The following GREM2 variants were observed in gnomAD, a reference collection of about 807,000 sequenced individuals.
The protein encoded by GREM2 is gremlin-2.
GREM2 carries 11 observed loss-of-function variants against 14.2 expected under a neutral mutation model. The ratio of observed to expected loss-of-function variants is 0.78; its 90% confidence interval spans 0.49 to 1.28. GREM2 has a LOEUF of 1.28. GREM2 is among the 50% of genes most tolerant of loss of function. The pLI is 0.00. For missense variants in GREM2, 210 were observed against 218.5 expected (o/e 0.96, Z 0.24); for synonymous variants, 98 against 97.6 (o/e 1.00, Z -0.02).
intron 1 of GREM2, among the ~76,000 whole-genome samples, chr1:240,608,270 T>C (rs1680069995): frequency 6.6e-6 from 1 of 152,204 alleles, no homozygotes; most frequent in African/African-American, 2.4e-5. Context: ...TTTTAAACAT[T>C]ATCAATAAGA....
At chr1:240,530,092 C>T (rs1678317832) in intron 1 of GREM2, among the ~76,000 whole-genome samples, 1 of 152,104 alleles carries the variant, frequency 6.6e-6, no homozygotes, top group South Asian at 2.1e-4. Flanking sequence ...AAAGGTAGTA[C>T]CTCAACATTC....
rs1254589911 is a variant in GREM2 at position 240,545,150 on chromosome 1, A to G, written c.-1-51674T>C. Among the ~76,000 whole-genome samples the G allele has an allele frequency of 3.3e-5, 5 of 152,132 alleles. No homozygotes were observed. The East Asian group carries it at 9.7e-4, about 29-fold the overall frequency. ...ACCACAGCAGGATTAGAGGGTTGGG[A>G]CTTTCAGCCCCATCCTCCAACCACT... On this transcript the variant is annotated intron_variant, in intron 1 of 1. Transcript: ENST00000318160.
At chr1:240,515,703 T>A (rs1677938714) in intron 1 of GREM2, among the ~76,000 whole-genome samples, 1 of 152,148 alleles carries the variant, frequency 6.6e-6, no homozygotes, top group South Asian at 2.1e-4. Flanking sequence ...TTTGGTTTCG[T>A]GGGTTTTCTT....
intron 1 of GREM2, among the ~76,000 whole-genome samples, chr1:240,494,035 G>A (rs1308125970): frequency 3.9e-5 from 6 of 152,266 alleles, no homozygotes; most frequent in Non-Finnish European, 7.3e-5. Flanking sequence ...CACGCGTGTT[G>A]AACAGTTACA....
In GREM2 at chr1:240,587,330, T is replaced by TG. The variant is rs752778333; in HGVS notation, c.-2+24553dup. On this transcript the variant is annotated intron_variant, in intron 1 of 1. Coordinates refer to ENST00000318160, the MANE Select transcript of GREM2 (RefSeq NM_022469.4). ...TTCTTTTTTTCTTTTTTCTTTTTTT[T>TG]GGGGGGGTGGGGACAGAGTCTTGCT... Among the ~76,000 whole-genome samples, 190 of 151,840 alleles carry TG rather than the reference T, an allele frequency of 1.3e-3. 1 individual carries two copies. The highest frequency in any genetic ancestry group is 0.01 in the Middle Eastern group (3 of 294).
In GREM2 at chr1:240,493,071, G is replaced by A. The variant is rs1255201608; in HGVS notation, c.405C>T (p.Leu135=). ...AGGGTGGGTCCAGGCCGGGGCACTC[G>A]AGCTCCACGAGGACGGAGGTGACGC... The part of the protein sequence containing the change: ...PQRVTSVLVE[L]ECPGLDPPFR... Residue 135 remains leucine, a synonymous_variant, in exon 2 of 2, where the codon CTC becomes CTT. Transcript: ENST00000318160. 4 of 1,612,866 alleles carry A rather than the reference G, an allele frequency of 2.5e-6. No individual in the cohort carries two copies. The highest frequency in any genetic ancestry group is 1.7e-5 in the Admixed American group (1 of 59,980).
At chr1:240,538,124 C>T (rs959835068) in intron 1 of GREM2, among the ~76,000 whole-genome samples, 4 of 152,148 alleles carry the variant, frequency 2.6e-5, no homozygotes, top group African/African-American at 9.7e-5. Context: ...GTCTAGAAAG[C>T]AAAATTTCTT....
intron 1 of GREM2, among the ~76,000 whole-genome samples, chr1:240,600,407 A>G (rs1040723708): frequency 1.3e-5 from 2 of 151,636 alleles, no homozygotes; most frequent in African/African-American, 4.8e-5. Context: ...CTAATCCAAC[A>G]CTCAAGGTAC....
intron 1 of GREM2, among the ~76,000 whole-genome samples, chr1:240,512,504 C>T (rs142930043): frequency 1.5e-4 from 21 of 136,462 alleles, no homozygotes; most frequent in Middle Eastern, 3.7e-3. Context: ...TCATCTTGAT[C>T]TCACACATGA....
At chr1:240,549,336 C>CAA (rs55943785) in intron 1 of GREM2, among the ~76,000 whole-genome samples, 1 of 126,168 alleles carries the variant, frequency 7.9e-6, no homozygotes, top group Non-Finnish European at 1.8e-5. Flanking sequence ...AACTCCATCT[C>CAA]AAAAAAAAAA....
chr1:240,547,518 T>A lies in GREM2; in HGVS notation c.-1-54042A>T, dbSNP rs200265038. Among the ~76,000 whole-genome samples, 466 of 85,768 alleles carry A rather than the reference T, an allele frequency of 5.4e-3. 2 individuals carry two copies. Among genetic ancestry groups the A allele is most frequent in the African/African-American group, 0.018 (367 of 20,480 alleles). The allele number at this position is 85,768 out of a possible 152,430, so 56.3% of individuals were successfully genotyped here. On this transcript the variant is annotated intron_variant, in intron 1 of 1. Coordinates refer to ENST00000318160, the MANE Select transcript of GREM2 (RefSeq NM_022469.4). ...CCATCTCAAAAAAAAAAAAAAAATA[T>A]ATATATATATATATATAGATAGATA... is the stretch of plus-strand genomic sequence containing the variant.
At chr1:240,583,013 T>A (rs1679520628) in intron 1 of GREM2, among the ~76,000 whole-genome samples, 1 of 152,190 alleles carries the variant, frequency 6.6e-6, no homozygotes, top group Non-Finnish European at 1.5e-5. Flanking sequence ...TTCTCCTTTT[T>A]ACCACATCTT....
rs1361921814 is a variant in GREM2, at chr1:240,489,926, T to C, written c.*3043A>G. On this transcript the variant is annotated 3_prime_UTR_variant, in exon 2 of 2. Coordinates refer to ENST00000318160, the MANE Select transcript of GREM2 (RefSeq NM_022469.4). Reference sequence around the variant, plus strand: ...CCTAGGAAGTTGAGTTTAATTCCTTTGAAGCCTACACAGTGGATCAACCAT... The same window carrying C: ...CCTAGGAAGTTGAGTTTAATTCCTTCGAAGCCTACACAGTGGATCAACCAT... 1 of 152,258 alleles carries C rather than the reference T, an allele frequency of 6.6e-6. No homozygotes were observed. Among genetic ancestry groups the C allele is most frequent in the African/African-American group, 2.4e-5 (1 of 41,466 alleles). 9.4% of individuals were successfully genotyped at this position (152,258 alleles called of 1,614,324 possible).
chr1:240,609,883 C>T (rs952861078), intron 1 of GREM2, among the ~76,000 whole-genome samples: 3 of 151,660 alleles, frequency 2.0e-5, no homozygotes, highest in Admixed American at 2.0e-4. Flanking sequence ...TTAAACTTTA[C>T]CAAACTTATA....
rs189459249 is a variant in GREM2 at position 240,540,651 on chromosome 1, C to A, written c.-1-47175G>T. ...GATGTAGACTTACAGCAACCTCTGC[C>A]TCCTGGGTTCAAGAGATTCTCCTGC... On this transcript the variant is annotated intron_variant, in intron 1 of 1. Coordinates refer to ENST00000318160, the MANE Select transcript of GREM2 (RefSeq NM_022469.4). The surrounding 1 kb of genome is among the most constrained non-coding windows in gnomAD (Gnocchi z 4.2). 2.6e-5 allele frequency among the ~76,000 whole-genome samples: 4 copies of A among 151,892 alleles called. No individual in the cohort carries two copies. Among genetic ancestry groups the A allele is most frequent in the Non-Finnish European group, 5.9e-5 (4 of 67,980 alleles).
At chr1:240,563,131 G>A (rs915446365) in intron 1 of GREM2, among the ~76,000 whole-genome samples, 1 of 150,398 alleles carries the variant, frequency 6.6e-6, no homozygotes, top group Admixed American at 6.6e-5. Context: ...GAGTGTGTAT[G>A]TGTATGTGTG....
rs958167187 is a variant in GREM2 at position 240,512,085 on chromosome 1, C to A, written c.-1-18609G>T. ...TAATTGTAATTTTTGTTTGCTTGGG[C>A]AAATGGTTTTTAAGCATAATAGATT... On this transcript the variant is annotated intron_variant, in intron 1 of 1. Coordinates refer to ENST00000318160, the MANE Select transcript of GREM2 (RefSeq NM_022469.4). 2.6e-5 allele frequency among the ~76,000 whole-genome samples: 4 copies of A among 152,080 alleles called. No individual in the cohort carries two copies. The East Asian group carries it at 7.7e-4, about 29-fold the overall frequency.
At position 240,542,443 on chromosome 1, in the gene GREM2, TAAA is replaced by T. The variant is rs34602345; in HGVS notation, c.-1-48970_-1-48968del. 5.0e-4 allele frequency among the ~76,000 whole-genome samples: 57 copies of T among 113,312 alleles called. 1 individual carries two copies. Among genetic ancestry groups the T allele is most frequent in the African/African-American group, 1.4e-3 (41 of 30,106 alleles). 74.3% of individuals were successfully genotyped at this position (113,312 alleles called of 152,430 possible). On this transcript the variant is annotated intron_variant, in intron 1 of 1. Transcript: ENST00000318160. This position sits in a 1 kb window ranked among gnomAD's most constrained non-coding sequence, Gnocchi z 4.1. ...AACATGGCGAAACCCCCATCTCTAC[TAAA>T]AAAAAAAAAAAAAAAAAAATTAGCT...
At chr1:240,559,340 CTTTTTT>C (rs61006579) in intron 1 of GREM2, among the ~76,000 whole-genome samples, 13 of 110,128 alleles carry the variant, frequency 1.2e-4, no homozygotes, top group Admixed American at 5.0e-4. Context: ...ATCAAAAAGT[CTTTTTT>C]TTTTTTTTTT....
Sources: gnomAD v4.1 joint callset for allele counts (sites outside exome capture counted in the v4.1 genomes callset) on GRCh38, gnomAD v4.1.1 for gene constraint, Gnocchi (gnomAD v3.1) non-coding constraint, MANE v1.5 for transcripts, NCBI Gene and HGNC (gene_info 2026-07-23, HGNC 2026-07-21) for gene names.